MARCHF8: variants seen among roughly 807,000 people sequenced by gnomAD.
MARCHF8 encodes membrane associated ring-CH-type finger 8.
MARCHF8 carries 40 observed loss-of-function variants against 51.6 expected under a neutral mutation model. That is an observed-to-expected ratio of 0.77 (90% CI 0.60 to 1.01). The LOEUF (loss-of-function observed/expected upper bound fraction) is 1.01, where lower values mean the gene tolerates loss of function less well. Among genes scored for constraint, MARCHF8 ranks in the 50% least tolerant of loss-of-function variants. The pLI is 0.00. For synonymous variants in MARCHF8, 263 were observed against 280.3 expected, an observed-to-expected ratio of 0.94 and a Z score of 0.62; for missense variants, 685 against 708.6, an observed-to-expected ratio of 0.97 and a Z score of 0.38.
chr10:45,528,381 T>G (rs1480308064), intron 2 of MARCHF8, among the ~76,000 whole-genome samples: 1 of 152,202 alleles, frequency 6.6e-6, no homozygotes, highest in African/African-American at 2.4e-5. Context: ...CTCGTAAATT[T>G]GATAAATTAA....
At position 45,458,432 on chromosome 10, in the gene MARCHF8, C is replaced by T; in HGVS notation, c.1529G>A (p.Arg510Lys). The part of the protein sequence containing the change: ...QCKVYVQLWK[R>K]LKAYNRVIYV... ...GATCACTCTATTATAGGCCTTGAGTCTCTTCCACAATTGCACATACACTTT... is the reference window on the plus strand; with the variant it reads ...GATCACTCTATTATAGGCCTTGAGTTTCTTCCACAATTGCACATACACTTT... Residue 510 changes from arginine to lysine, a missense_variant, in exon 8 of 8, where the codon AGA (arginine) becomes AAA (lysine). Arg to Lys is a conservative substitution (Grantham distance 26). Transcript: ENST00000453424. The T allele has an allele frequency of 1.2e-6, 2 of 1,614,162 alleles. No individual in the cohort carries two copies. The highest frequency in any genetic ancestry group is 1.7e-6 in the Non-Finnish European group (2 of 1,180,020).
chr10:45,573,857 C>G (rs1008452125), intron 1 of MARCHF8, among the ~76,000 whole-genome samples: 2 of 152,160 alleles, frequency 1.3e-5, no homozygotes, highest in Non-Finnish European at 2.9e-5. Flanking sequence ...GTATTGAAGA[C>G]CACGCTTCTA....
intron 3 of MARCHF8, among the ~76,000 whole-genome samples, chr10:45,473,709 C>T (rs1325444675): frequency 2.6e-5 from 4 of 152,090 alleles, no homozygotes; most frequent in African/African-American, 9.7e-5. Flanking sequence ...GCCTCCTCTG[C>T]GAATTTCAAT....
rs577235663 is a variant in MARCHF8 at position 45,502,673 on chromosome 10, T to C, written c.103-13256A>G. On this transcript the variant is annotated intron_variant, in intron 2 of 7. Transcript: ENST00000453424. Reference sequence around the variant, plus strand: ...TTCAAATATTGACAAAAGAGACCTGTTTACCTAAAACTAAGTATGTGGTGA... The same window carrying C: ...TTCAAATATTGACAAAAGAGACCTGCTTACCTAAAACTAAGTATGTGGTGA... Among the ~76,000 whole-genome samples, 20 of 152,314 alleles carry C rather than the reference T, an allele frequency of 1.3e-4. 1 individual carries two copies. The South Asian group carries it at 4.1e-3, about 32-fold the overall frequency.
At chr10:45,568,193 A>G (rs1044175220) in intron 1 of MARCHF8, among the ~76,000 whole-genome samples, 1 of 152,230 alleles carries the variant, frequency 6.6e-6, no homozygotes, top group African/African-American at 2.4e-5. Context: ...GTTTTTCCAA[A>G]TATAAAATTA....
intron 1 of MARCHF8, among the ~76,000 whole-genome samples, chr10:45,563,995 G>A (rs1378190410): frequency 6.6e-6 from 1 of 152,202 alleles, no homozygotes; most frequent in Non-Finnish European, 1.5e-5. Flanking sequence ...ATAAAAAGTG[G>A]CTAGGCGTGG....
At chr10:45,541,941 A>G (rs1299429565) in intron 1 of MARCHF8, among the ~76,000 whole-genome samples, 3 of 152,058 alleles carry the variant, frequency 2.0e-5, no homozygotes, top group Non-Finnish European at 2.9e-5. Flanking sequence ...ATTCTAGGAC[A>G]TTGGGTACAC....
At chr10:45,552,899 T>A (rs748313215) in intron 1 of MARCHF8, among the ~76,000 whole-genome samples, 1 of 152,214 alleles carries the variant, frequency 6.6e-6, no homozygotes, top group Non-Finnish European at 1.5e-5. Flanking sequence ...TTGAATACTA[T>A]ATAAACTGAT....
intron 1 of MARCHF8, among the ~76,000 whole-genome samples, chr10:45,561,431 C>T (rs1010029537): frequency 6.6e-6 from 1 of 151,794 alleles, no homozygotes; most frequent in African/African-American, 2.4e-5. Flanking sequence ...TGTGCCACCA[C>T]ATCCGGCTAA....
intron 1 of MARCHF8, among the ~76,000 whole-genome samples, chr10:45,566,618 G>C (rs757100985): frequency 6.6e-6 from 1 of 152,094 alleles, no homozygotes; most frequent in Non-Finnish European, 1.5e-5. Context: ...ATTTTTGACA[G>C]CTGAATAGTA....
At chr10:45,469,734 G>A (rs530528820) in intron 3 of MARCHF8, among the ~76,000 whole-genome samples, 10 of 151,716 alleles carry the variant, frequency 6.6e-5, no homozygotes, top group South Asian at 4.2e-4. Context: ...GCGTGGTGGC[G>A]GGCGCCTGTA....
At chr10:45,517,720 G>A (rs773493230) in intron 2 of MARCHF8, among the ~76,000 whole-genome samples, 2 of 152,148 alleles carry the variant, frequency 1.3e-5, no homozygotes, top group African/African-American at 4.8e-5. Context: ...TAACATAAGG[G>A]CTTAGAACTG....
chr10:45,573,834 A>G (rs139764199), intron 1 of MARCHF8, among the ~76,000 whole-genome samples: 9,100 of 152,274 alleles, frequency 0.06, 450 homozygotes, highest in Admixed American at 0.17. Context: ...CTTTGCCTCC[A>G]TAACTGTTGT....
chr10:45,534,148 A>T (rs1467141425), intron 1 of MARCHF8, among the ~76,000 whole-genome samples: 1 of 151,722 alleles, frequency 6.6e-6, no homozygotes, highest in Admixed American at 6.6e-5. Context: ...GCACCACTGC[A>T]CTCCAGCCTG....
chr10:45,557,349 G>A (rs1397273552), intron 1 of MARCHF8, among the ~76,000 whole-genome samples: 1 of 151,694 alleles, frequency 6.6e-6, no homozygotes, highest in Non-Finnish European at 1.5e-5. Context: ...GGCTGGTCTT[G>A]AACTCCTGAC....
intron 3 of MARCHF8, among the ~76,000 whole-genome samples, chr10:45,486,217 C>T (rs925951629): frequency 2.1e-4 from 32 of 152,142 alleles, no homozygotes; most frequent in African/African-American, 7.5e-4. Flanking sequence ...GTAAGCATCC[C>T]GGAACTCACT....
chr10:45,549,807 A>T (rs2044173862), intron 1 of MARCHF8, among the ~76,000 whole-genome samples: 1 of 152,208 alleles, frequency 6.6e-6, no homozygotes, highest in African/African-American at 2.4e-5. Context: ...TCTCCATCCC[A>T]GGCACATGCT....
At chr10:45,547,457 A>T (rs532528420) in intron 1 of MARCHF8, among the ~76,000 whole-genome samples, 2 of 152,236 alleles carry the variant, frequency 1.3e-5, no homozygotes, top group East Asian at 3.9e-4. Context: ...TGTCAACAAA[A>T]AGTTTTTATG....
At chr10:45,576,049 A>G (rs1389762399) in intron 1 of MARCHF8, among the ~76,000 whole-genome samples, 2 of 152,178 alleles carry the variant, frequency 1.3e-5, no homozygotes, top group African/African-American at 2.4e-5. Flanking sequence ...GCTCACACAA[A>G]GCCTGTTCCG....
Sources: gnomAD v4.1 joint callset for allele counts (sites outside exome capture counted in the v4.1 genomes callset) on GRCh38, gnomAD v4.1.1 for gene constraint, MANE v1.5 for transcripts, NCBI Gene and HGNC (gene_info 2026-07-23, HGNC 2026-07-21) for gene names.